Variants in RORA observed in about 807,000 individuals in gnomAD.
RORA encodes nuclear receptor ROR-alpha.
In RORA, 7 loss-of-function variants were observed where a neutral mutation model predicts 69.5. That is an observed-to-expected ratio of 0.10 (90% CI 0.06 to 0.19). The LOEUF is 0.19. Ranked by LOEUF, RORA falls within the 10% of genes least tolerant of loss-of-function variation. RORA has a pLI of 1.00. For synonymous variants in RORA, 261 were observed against 240.8 expected, an observed-to-expected ratio of 1.08 and a Z score of -0.78; for missense variants, 457 against 663.0, an observed-to-expected ratio of 0.69 and a Z score of 3.41.
chr15:60,993,260 T>A lies in RORA; in HGVS notation c.166+235793A>T, dbSNP rs146927999. Among the ~76,000 whole-genome samples, 646 of 152,308 alleles carry A rather than the reference T, an allele frequency of 4.2e-3. 9 individuals are homozygous for A. The highest frequency in any genetic ancestry group is 0.015 in the African/African-American group (618 of 41,560). ...CCTCAGGCACTTCACATATGGGATCTCACTGACCTTCATAACATTATTGTG... is the reference window on the plus strand; with the variant it reads ...CCTCAGGCACTTCACATATGGGATCACACTGACCTTCATAACATTATTGTG... On this transcript the variant is annotated intron_variant, in intron 1 of 10. Coordinates refer to ENST00000335670, the MANE Select transcript of RORA (RefSeq NM_134261.3).
At chr15:60,948,852 G>A (rs938815125) in intron 1 of RORA, among the ~76,000 whole-genome samples, 3 of 152,142 alleles carry the variant, frequency 2.0e-5, no homozygotes, top group Non-Finnish European at 4.4e-5. Context: ...ATTCTCTCCT[G>A]GTTCTAAAGG....
chr15:60,896,146 C>T (rs1049943124), intron 1 of RORA, among the ~76,000 whole-genome samples: 1 of 152,204 alleles, frequency 6.6e-6, no homozygotes, highest in African/African-American at 2.4e-5. Context: ...AAGACCCACT[C>T]ATCCTGTAAG....
At chr15:60,739,275 T>C (rs1017520417) in intron 1 of RORA, among the ~76,000 whole-genome samples, 4 of 152,090 alleles carry the variant, frequency 2.6e-5, no homozygotes, top group African/African-American at 9.7e-5. Context: ...TGGGGAGAGA[T>C]ACATTTTTGG....
At chr15:61,050,573 G>A (rs79491103) in intron 1 of RORA, among the ~76,000 whole-genome samples, 7,199 of 152,238 alleles carry the variant, frequency 0.047, 231 homozygotes, top group Non-Finnish European at 0.073. Context: ...AACAACTGGG[G>A]GGCAAGAGAT....
intron 2 of RORA, chr15:60,627,620 C>T: frequency 1.4e-6 from 1 of 738,114 alleles, no homozygotes; most frequent in Non-Finnish European, 1.7e-6. Flanking sequence ...AGCTGGGCTC[C>T]TCTCTTTTCT....
intron 1 of RORA, among the ~76,000 whole-genome samples, chr15:60,775,804 C>A (rs548628919): frequency 1.3e-5 from 2 of 152,180 alleles, no homozygotes; most frequent in African/African-American, 4.8e-5. Flanking sequence ...GGACATCAAA[C>A]CTCTTTAGGT....
chr15:61,118,948 T>A (rs904286372), intron 1 of RORA, among the ~76,000 whole-genome samples: 6 of 151,934 alleles, frequency 3.9e-5, no homozygotes, highest in African/African-American at 1.5e-4. Flanking sequence ...CGACCTATAA[T>A]ACTGACATCA....
At chr15:60,515,927 TTA>T (rs377733976) in intron 3 of RORA, among the ~76,000 whole-genome samples, 650 of 47,430 alleles carry the variant, frequency 0.014, 30 homozygotes, top group African/African-American at 0.023. Context: ...ATATATATAT[TTA>T]TATATATATT....
At chr15:60,874,348 G>A (rs2073590938) in intron 1 of RORA, among the ~76,000 whole-genome samples, 1 of 152,146 alleles carries the variant, frequency 6.6e-6, no homozygotes, top group South Asian at 2.1e-4. Flanking sequence ...TGTTCTAGGT[G>A]CTGGGAATAC....
At chr15:60,969,039 C>T (rs922453627) in intron 1 of RORA, among the ~76,000 whole-genome samples, 3 of 152,134 alleles carry the variant, frequency 2.0e-5, no homozygotes, top group East Asian at 3.9e-4. Flanking sequence ...AATGTTTCCT[C>T]GTGATTAGAT....
At chr15:60,947,002 TTCC>T in intron 1 of RORA, among the ~76,000 whole-genome samples, 1 of 149,592 alleles carries the variant, frequency 6.7e-6, no homozygotes, top group South Asian at 2.1e-4. Context: ...CAGCCGCCCC[TTCC>T]GGGAGGGAGG....
intron 1 of RORA, among the ~76,000 whole-genome samples, chr15:60,684,751 G>C (rs866836542): frequency 6.6e-6 from 1 of 152,096 alleles, no homozygotes; most frequent in Non-Finnish European, 1.5e-5. Context: ...ACAAAGTCTT[G>C]AATTGGCCCA....
At chr15:60,742,859 A>C (rs1291623117) in intron 1 of RORA, among the ~76,000 whole-genome samples, 2 of 152,074 alleles carry the variant, frequency 1.3e-5, no homozygotes, top group Non-Finnish European at 2.9e-5. Context: ...TATATTGTGT[A>C]TATATACCAC....
intron 1 of RORA, among the ~76,000 whole-genome samples, chr15:60,823,099 C>A (rs1331126897): frequency 1.3e-5 from 1 of 78,604 alleles, no homozygotes; most frequent in East Asian, 5.3e-4. Context: ...TTCCTTCCTT[C>A]ATTCTTCTCT....
chr15:60,556,014 T>C (rs1479951046), intron 2 of RORA, among the ~76,000 whole-genome samples: 3 of 152,190 alleles, frequency 2.0e-5, no homozygotes, highest in Non-Finnish European at 4.4e-5. Flanking sequence ...TGCAGGTCAC[T>C]GGACTTTGCT....
At chr15:61,042,575 C>A (rs558653254) in intron 1 of RORA, among the ~76,000 whole-genome samples, 1 of 152,332 alleles carries the variant, frequency 6.6e-6, no homozygotes, top group Non-Finnish European at 1.5e-5. Context: ...AACTTGTTTT[C>A]TCACAAAAGA....
chr15:61,007,758 TA>T (rs1894955818), intron 1 of RORA, among the ~76,000 whole-genome samples: 2 of 148,274 alleles, frequency 1.3e-5, no homozygotes, highest in Non-Finnish European at 3.0e-5. Context: ...TAATGTTATA[TA>T]TTATATATAA....
chr15:60,878,367 A>T (rs2073642965), intron 1 of RORA, among the ~76,000 whole-genome samples: 1 of 138,064 alleles, frequency 7.2e-6, no homozygotes, highest in African/African-American at 2.8e-5. Context: ...AAAAAAAAAA[A>T]AGAATTTTCC....
At chr15:61,049,399 T>C (rs1185483227) in intron 1 of RORA, among the ~76,000 whole-genome samples, 2 of 152,090 alleles carry the variant, frequency 1.3e-5, no homozygotes, top group Non-Finnish European at 2.9e-5. Context: ...AACACAAAGT[T>C]GCAGAATTCA....
Sources: allele counts gnomAD v4.1 joint callset (sites outside exome capture counted in the v4.1 genomes callset), GRCh38; gene constraint gnomAD v4.1.1; transcripts MANE v1.5; gene names NCBI Gene and HGNC (gene_info 2026-07-23, HGNC 2026-07-21).